The following HNF1B variants were observed in gnomAD, a reference collection of about 807,000 sequenced individuals.
The protein encoded by HNF1B is HNF1 homeobox B, also known as hepatocyte nuclear factor 1-beta.
A neutral mutation model predicts 61.7 loss-of-function variants in HNF1B; 8 were observed. The observed-to-expected ratio is 0.13, with a 90% CI of 0.08 to 0.23. The LOEUF (loss-of-function observed/expected upper bound fraction) is 0.23. Ranked by LOEUF, HNF1B falls within the 10% of genes least tolerant of loss-of-function variation. HNF1B has a pLI of 1.00. For synonymous variants in HNF1B, 314 were observed against 287.7 expected, an observed-to-expected ratio of 1.09 and a Z score of -0.93; for missense variants, 562 against 714.5, an observed-to-expected ratio of 0.79 and a Z score of 2.43.
rs79367039 is a variant in HNF1B, at chr17:37,738,519, G to A, written c.544+921C>T. On this transcript the variant is annotated intron_variant, in intron 2 of 8. Coordinates refer to ENST00000617811, the MANE Select transcript of HNF1B (RefSeq NM_000458.4). ...CAGAGAAGCCTAGATAAAGCCAGAG[G>A]ATAGTGTGTGGGGAGAGTGAAAACC... 7.0e-3 allele frequency among the ~76,000 whole-genome samples: 1,069 copies of A among 152,326 alleles called. 16 individuals carry two copies. The highest frequency in any genetic ancestry group is 0.025 in the African/African-American group (1,027 of 41,572).
At chr17:37,699,343 T>TA (rs1470248309) in intron 7 of HNF1B, 149 bp from the exon 8 acceptor site, 1 of 720,270 alleles carries the variant, frequency 1.4e-6, no homozygotes, top group East Asian at 2.6e-5. Flanking sequence ...TAGTTATCCA[T>TA]AAGATTCATG....
rs779455046 is a variant in HNF1B, at chr17:37,744,619, G to A, written c.266C>T (p.Pro89Leu). Residue 89 changes from proline (P) to leucine (L), a missense_variant, in exon 1 of 9, where the codon CCT becomes CTT. By Grantham distance (98) the Pro-to-Leu change is moderately conservative. Transcript: ENST00000617811. The stretch of plus-strand genomic sequence containing the variant: ...CGCCTGCAGCTCCTTGAGGATGGGA[G>A]GTGTGTCATAGTCGTCGCCGTCCTC... Reference protein sequence around the residue: ...GSEDGDDYDTPPILKELQALN... With the variant: ...GSEDGDDYDTLPILKELQALN... 5 of 1,610,890 alleles carry A rather than the reference G, an allele frequency of 3.1e-6. No individual in the cohort carries two copies. In the Admixed American group the frequency reaches 6.7e-5, roughly 21 times the overall value.
rs190342259 is a variant in HNF1B at position 37,707,922 on chromosome 17, C to T, written c.1206+2581G>A. 2.0e-3 allele frequency among the ~76,000 whole-genome samples: 297 copies of T among 152,224 alleles called. 8 individuals are homozygous for T. Among genetic ancestry groups the T allele is most frequent in the Admixed American group, 0.018 (272 of 15,302 alleles). On this transcript the variant is annotated intron_variant, in intron 5 of 8. Coordinates refer to ENST00000617811, the MANE Select transcript of HNF1B (RefSeq NM_000458.4). ...GATTGGCTTTATTTCCAAAACCAGT[C>T]CTTGGGGAAAGATTTCAAGGCACGT...
In HNF1B at chr17:37,701,545, G is replaced by A. The variant is rs538391774; in HGVS notation, c.1340-368C>T. ...GTGAGAGAGGCTTGCCCTGGTGCCCGCAGGGCAGAGTTAAAGATGTCCACA... is the reference window on the plus strand; with the variant it reads ...GTGAGAGAGGCTTGCCCTGGTGCCCACAGGGCAGAGTTAAAGATGTCCACA... On this transcript the variant is annotated intron_variant, in intron 6 of 8. Transcript: ENST00000617811. 4.6e-5 allele frequency among the ~76,000 whole-genome samples: 7 copies of A among 152,344 alleles called. No homozygotes were observed. In the East Asian group the frequency reaches 7.7e-4, roughly 17 times the overall value.
intron 4 of HNF1B, among the ~76,000 whole-genome samples, chr17:37,722,118 CT>C (rs1397615725): frequency 6.6e-6 from 1 of 152,154 alleles, no homozygotes. Flanking sequence ...AACCACAGAT[CT>C]TGCCAATACT....
chr17:37,739,442 C>A lies in HNF1B; in HGVS notation c.542G>T (p.Arg181Leu). 1 of 1,614,034 alleles carries A rather than the reference C, an allele frequency of 6.2e-7. No individual in the cohort carries two copies. Residue 181 changes from arginine to leucine, a missense_variant and splice_region_variant, in exon 2 of 9, where the codon CGA becomes CTA. Around this residue, in one of 6 missense-constraint regions of HNF1B, gnomAD observed 69 missense variants for 81.2 expected, o/e 0.85. Transcript: ENST00000617811. Reference sequence around the variant, plus strand: ...AGAGGCAGGATGAAAACACTTACGTCGGAGGATCTCTCGTTGCTTTCTGAC... The same window carrying A: ...AGAGGCAGGATGAAAACACTTACGTAGGAGGATCTCTCGTTGCTTTCTGAC... ...WYVRKQREIL[R>L]QFNQTVQSSG...
intron 6 of HNF1B, among the ~76,000 whole-genome samples, chr17:37,702,468 C>G (rs777992336): frequency 6.6e-6 from 1 of 152,140 alleles, no homozygotes; most frequent in Non-Finnish European, 1.5e-5. Flanking sequence ...CTCCAGTTCC[C>G]CAGGGGGCTC....
intron 4 of HNF1B, among the ~76,000 whole-genome samples, chr17:37,716,433 A>C (rs1403594442): frequency 6.6e-6 from 1 of 152,110 alleles, no homozygotes; most frequent in Admixed American, 6.6e-5. Context: ...TCCTGACCTC[A>C]AGTGATCCGC....
At chr17:37,725,888 C>G (rs2033479147) in intron 4 of HNF1B, among the ~76,000 whole-genome samples, 1 of 152,226 alleles carries the variant, frequency 6.6e-6, no homozygotes, top group Admixed American at 6.5e-5. Context: ...CCAGACAGTG[C>G]CGACTGCAAG....
At chr17:37,743,804 CCCT>C (rs1231999255) in intron 1 of HNF1B, among the ~76,000 whole-genome samples, 1 of 152,248 alleles carries the variant, frequency 6.6e-6, no homozygotes, top group Non-Finnish European at 1.5e-5. Flanking sequence ...TCTGGAAACG[CCCT>C]CCTTTCTCAG....
At chr17:37,707,773 T>C (rs1439788044) in intron 5 of HNF1B, among the ~76,000 whole-genome samples, 3 of 152,048 alleles carry the variant, frequency 2.0e-5, no homozygotes, top group African/African-American at 7.2e-5. Context: ...CTCTCTCTTT[T>C]TTTTTTTTTT....
At position 37,744,704 on chromosome 17, in the gene HNF1B, C is replaced by T. The variant is rs754482958; in HGVS notation, c.181G>A (p.Val61Ile). The change falls in exon 1 of 9, where the codon GTC becomes ATC. Residue 61 changes from valine to isoleucine, a missense_variant. Val to Ile is a conservative substitution (Grantham distance 29). Coordinates refer to ENST00000617811, the MANE Select transcript of HNF1B (RefSeq NM_000458.4). Reference sequence around the variant, plus strand: ...TGGCCGTTGGTGAGAGTATGGAAGACCGGCTTGGTGTCGGGCTCGGCCCCG... The same window carrying T: ...TGGCCGTTGGTGAGAGTATGGAAGATCGGCTTGGTGTCGGGCTCGGCCCCG... ...GSGAEPDTKPVFHTLTNGHAK... is the reference protein window; with the variant it reads ...GSGAEPDTKPIFHTLTNGHAK... The T allele has an allele frequency of 3.1e-6, 5 of 1,613,382 alleles. No individual in the cohort carries two copies. In the Admixed American group the frequency reaches 5.0e-5, roughly 16 times the overall value.
intron 1 of HNF1B, among the ~76,000 whole-genome samples, 155 bp downstream of exon 1, chr17:37,744,386 G>A (rs953305784): frequency 6.6e-5 from 10 of 152,368 alleles, no homozygotes; most frequent in Non-Finnish European, 1.2e-4. Context: ...GGATTGGGAA[G>A]GGTCCGGGTG....
intron 7 of HNF1B, among the ~76,000 whole-genome samples, chr17:37,700,708 C>T (rs1213338835): frequency 6.6e-6 from 1 of 152,166 alleles, no homozygotes; most frequent in Non-Finnish European, 1.5e-5. Flanking sequence ...GGTGTGTGTT[C>T]CACATGCTGT....
intron 2 of HNF1B, among the ~76,000 whole-genome samples, chr17:37,738,237 T>C (rs752704097): frequency 2.0e-5 from 3 of 152,256 alleles, no homozygotes; most frequent in Non-Finnish European, 4.4e-5. Flanking sequence ...TCTCTCGCTC[T>C]AAGCAGCAAA....
At chr17:37,737,333 C>A (rs2033861922) in intron 2 of HNF1B, among the ~76,000 whole-genome samples, 1 of 152,194 alleles carries the variant, frequency 6.6e-6, no homozygotes, top group Admixed American at 6.5e-5. Context: ...TTGTGTATAT[C>A]TTTATAACAG....
At chr17:37,720,286 T>A (rs1037168306) in intron 4 of HNF1B, among the ~76,000 whole-genome samples, 7 of 152,188 alleles carry the variant, frequency 4.6e-5, no homozygotes, top group African/African-American at 1.4e-4. Context: ...TTAAAATGAA[T>A]GAAAGTAGTA....
At chr17:37,712,532 T>C (rs1451860803) in intron 4 of HNF1B, among the ~76,000 whole-genome samples, 1 of 152,208 alleles carries the variant, frequency 6.6e-6, no homozygotes, top group Non-Finnish European at 1.5e-5. Flanking sequence ...GAAAGAGATT[T>C]GAACCTTATG....
In HNF1B at chr17:37,744,475, C is replaced by T; in HGVS notation, c.344+66G>A. The T allele has an allele frequency of 2.0e-6, 3 of 1,529,512 alleles. No individual in the cohort carries two copies. The South Asian group carries it at 3.4e-5, about 17-fold the overall frequency. 94.7% of individuals were successfully genotyped at this position (1,529,512 alleles called of 1,614,324 possible). ...TGGCGAGTGTGGTCGGGCGCAGTGT[C>T]ACTCAGGCCCGGGGCCGGGGCTCCA... On this transcript the variant is annotated intron_variant, in intron 1 of 8. Transcript: ENST00000617811.
Sources: allele counts gnomAD v4.1 joint callset (sites outside exome capture counted in the v4.1 genomes callset), GRCh38; gene constraint gnomAD v4.1.1; regional missense constraint gnomAD v4.1.1; transcripts MANE v1.5; gene names NCBI Gene and HGNC (gene_info 2026-07-23, HGNC 2026-07-21).